Variants in ZNF608 observed in about 807,000 individuals in gnomAD.
ZNF608 encodes the protein renal carcinoma antigen NY-REN-36.
Under a neutral mutation model 109.0 loss-of-function variants are expected in ZNF608, and 12 were observed. That is an observed-to-expected ratio of 0.11 (90% CI 0.07 to 0.18). The LOEUF is 0.18. Ranked by LOEUF, ZNF608 falls within the 10% of genes least tolerant of loss-of-function variation. ZNF608 has a pLI of 1.00. For missense variants in ZNF608, 1,707 were observed against 1,879.3 expected, an observed-to-expected ratio of 0.91 and a Z score of 1.70; for synonymous variants, 732 against 717.4, an observed-to-expected ratio of 1.02 and a Z score of -0.33.
At chr5:124,661,037 G>A (rs1003549795) in intron 3 of ZNF608, among the ~76,000 whole-genome samples, 85 of 152,214 alleles carry the variant, frequency 5.6e-4, no homozygotes, top group African/African-American at 1.9e-3. Flanking sequence ...TCCAACCTGA[G>A]GGACTTCTTT....
At chr5:124,657,357 C>T (rs1484153238) in intron 3 of ZNF608, among the ~76,000 whole-genome samples, 1 of 152,082 alleles carries the variant, frequency 6.6e-6, no homozygotes, top group Non-Finnish European at 1.5e-5. Flanking sequence ...AAAAGAAATA[C>T]TAAATCAAAA....
chr5:124,638,019 C>T (rs1042634001), intron 9 of ZNF608, 113 bp from the exon 10 acceptor site: 49 of 1,102,908 alleles, frequency 4.4e-5, no homozygotes, highest in Admixed American at 7.4e-5. Flanking sequence ...GGCTCAATCT[C>T]GGCTCACCGC....
At chr5:124,656,985 C>G (rs996026641) in intron 3 of ZNF608, among the ~76,000 whole-genome samples, 1 of 152,168 alleles carries the variant, frequency 6.6e-6, no homozygotes, top group African/African-American at 2.4e-5. Context: ...TTGGGAAAAT[C>G]ATTGAGCTTC....
At chr5:124,716,452 G>C (rs1412193527) in intron 2 of ZNF608, among the ~76,000 whole-genome samples, 1 of 151,992 alleles carries the variant, frequency 6.6e-6, no homozygotes, top group Non-Finnish European at 1.5e-5. Context: ...CCTGACTATA[G>C]TGCTTATTTT....
rs1171872000 is a variant in ZNF608, at chr5:124,648,488, G to C, written c.1896C>G (p.Asn632Lys). 1 of 1,614,176 alleles carries C rather than the reference G, an allele frequency of 6.2e-7. No individual in the cohort carries two copies. Among genetic ancestry groups the C allele is most frequent in the Admixed American group, 1.7e-5 (1 of 60,026 alleles). The change falls in exon 5 of 10, where the codon AAC (asparagine) becomes AAG (lysine). Residue 632 changes from asparagine to lysine, a missense_variant. By Grantham distance (94) the Asn-to-Lys change is moderately conservative. Coordinates refer to ENST00000513986, the MANE Select transcript of ZNF608 (RefSeq NM_020747.3). ...LKAPASPGAGNPPGTPKGKRE... is the reference protein window; with the variant it reads ...LKAPASPGAGKPPGTPKGKRE... Reference sequence around the variant, plus strand: ...TCTTTCCCTTTGGGGTCCCAGGTGGGTTTCCAGCACCAGGGGATGCCGGTG... The same window carrying C: ...TCTTTCCCTTTGGGGTCCCAGGTGGCTTTCCAGCACCAGGGGATGCCGGTG...
At chr5:124,737,461 A>C (rs1004571247) in intron 2 of ZNF608, among the ~76,000 whole-genome samples, 1 of 152,196 alleles carries the variant, frequency 6.6e-6, no homozygotes, top group African/African-American at 2.4e-5. Flanking sequence ...ATCATTTCAA[A>C]CCTATTTGTT....
chr5:124,710,182 G>T, intron 2 of ZNF608: 1 of 454,754 alleles, frequency 2.2e-6, no homozygotes, highest in Non-Finnish European at 4.4e-6. Context: ...TCATCCTTAT[G>T]CTTCTGGATG....
At chr5:124,716,387 C>T (rs73782044) in intron 2 of ZNF608, among the ~76,000 whole-genome samples, 2,260 of 151,334 alleles carry the variant, frequency 0.015, 71 homozygotes, top group African/African-American at 0.052. Flanking sequence ...AAATAAGCAG[C>T]TTAGTTAAGC....
At chr5:124,740,834 T>C (rs1749363608) in intron 2 of ZNF608, among the ~76,000 whole-genome samples, 1 of 152,222 alleles carries the variant, frequency 6.6e-6, no homozygotes, top group South Asian at 2.1e-4. Context: ...ATTTTTGAGT[T>C]TTTGTATATA....
At chr5:124,657,428 G>A (rs1450113331) in intron 3 of ZNF608, among the ~76,000 whole-genome samples, 4 of 152,124 alleles carry the variant, frequency 2.6e-5, no homozygotes, top group Admixed American at 6.6e-5. Flanking sequence ...TTGGGAGGCC[G>A]AGGCGGGTGG....
intron 2 of ZNF608, among the ~76,000 whole-genome samples, chr5:124,729,641 A>G (rs1748792718): frequency 1.3e-5 from 2 of 152,228 alleles, no homozygotes; most frequent in Non-Finnish European, 2.9e-5. Context: ...ATGTTTAAGT[A>G]TATATATCTA....
chr5:124,686,295 A>C (rs79775148), intron 3 of ZNF608, among the ~76,000 whole-genome samples: 20,663 of 152,238 alleles, frequency 0.14, 1,559 homozygotes, highest in Non-Finnish European at 0.17. Context: ...TCACCCTATC[A>C]GGCAGGAGTC....
At chr5:124,705,491 T>C (rs112760737) in intron 2 of ZNF608, among the ~76,000 whole-genome samples, 4,815 of 152,284 alleles carry the variant, frequency 0.032, 220 homozygotes, top group African/African-American at 0.1. Flanking sequence ...CTCAGCATAG[T>C]GCTTAGGTCA....
At chr5:124,695,708 T>C (rs1752818981) in intron 3 of ZNF608, among the ~76,000 whole-genome samples, 1 of 151,738 alleles carries the variant, frequency 6.6e-6, no homozygotes, top group South Asian at 2.1e-4. Context: ...ATCAAGGCTA[T>C]AGTGAGCCAT....
At chr5:124,674,774 C>T (rs1162925887) in intron 3 of ZNF608, among the ~76,000 whole-genome samples, 3 of 152,120 alleles carry the variant, frequency 2.0e-5, no homozygotes. Context: ...CCACACCTGG[C>T]TAATTTTTTT....
chr5:124,720,848 C>T (rs949471588), intron 2 of ZNF608, among the ~76,000 whole-genome samples: 1 of 150,990 alleles, frequency 6.6e-6, no homozygotes, highest in Non-Finnish European at 1.5e-5. Flanking sequence ...ACCCCCACCC[C>T]GCAAATTAAA....
At chr5:124,679,352 T>TCCTTC (rs1017346018) in intron 3 of ZNF608, among the ~76,000 whole-genome samples, 10 of 151,906 alleles carry the variant, frequency 6.6e-5, no homozygotes, top group African/African-American at 1.9e-4. Context: ...GACTTCTCCT[T>TCCTTC]CCTTCCCTTC....
At chr5:124,671,400 T>C (rs1477456811) in intron 3 of ZNF608, among the ~76,000 whole-genome samples, 1 of 152,026 alleles carries the variant, frequency 6.6e-6, no homozygotes, top group African/African-American at 2.4e-5. Context: ...ATCCGAAAGG[T>C]CATTTGAAAC....
chr5:124,659,774 C>G (rs1751169264), intron 3 of ZNF608, among the ~76,000 whole-genome samples: 1 of 152,184 alleles, frequency 6.6e-6, no homozygotes, highest in Non-Finnish European at 1.5e-5. Context: ...CTTACCATCC[C>G]CAGTCCTTGA....
Sources: allele counts gnomAD v4.1 joint callset (sites outside exome capture counted in the v4.1 genomes callset), GRCh38; gene constraint gnomAD v4.1.1; transcripts MANE v1.5; gene names NCBI Gene and HGNC (gene_info 2026-07-23, HGNC 2026-07-21).